SYN2: variants seen among roughly 807,000 people sequenced by gnomAD.
SYN2 encodes synapsin-2.
A neutral mutation model predicts 50.9 loss-of-function variants in SYN2; 19 were observed. The ratio of observed to expected loss-of-function variants is 0.37; its 90% CI spans 0.26 to 0.55. The LOEUF is 0.55. Ranked by LOEUF, SYN2 falls within the 20% of genes least tolerant of loss-of-function variation. SYN2 has a pLI of 0.81. For missense variants in SYN2, 587 were observed against 576.4 expected (o/e 1.02, Z -0.19); for synonymous variants, 255 against 224.9 (o/e 1.13, Z -1.20).
chr3:12,175,477 TC>T lies in SYN2; in HGVS notation c.1308+5572del, dbSNP rs1698043785. On this transcript the variant is annotated intron_variant, in intron 10 of 12. Transcript: ENST00000621198. ...TCCTCACAGGCACCTCTTGCTGGCCTCTTTCTTCTGTGGCTGTGGAAGCTCA... is the reference window on the plus strand; with the variant it reads ...TCCTCACAGGCACCTCTTGCTGGCCTTTTCTTCTGTGGCTGTGGAAGCTCA... Among the ~76,000 whole-genome samples the T allele has an allele frequency of 7.9e-5, 12 of 152,340 alleles. No homozygotes were observed. The South Asian group carries it at 2.5e-3, about 32-fold the overall frequency.
chr3:12,098,760 CAG>C (rs1429634308), intron 1 of SYN2, among the ~76,000 whole-genome samples: 7 of 150,588 alleles, frequency 4.6e-5, no homozygotes, highest in East Asian at 3.9e-4. Context: ...AACAGAATGA[CAG>C]AATGTATTTT....
rs149590650 is a variant in SYN2 at position 12,013,977 on chromosome 3, A to G, written c.377+9049A>G. Among the ~76,000 whole-genome samples the G allele has an allele frequency of 7.7e-4, 116 of 151,378 alleles. 1 individual carries two copies. The highest frequency in any genetic ancestry group is 6.8e-3 in the Middle Eastern group (2 of 294). On this transcript the variant is annotated intron_variant, in intron 1 of 12. Coordinates refer to ENST00000621198, the MANE Select transcript of SYN2 (RefSeq NM_133625.6). Reference sequence around the variant, plus strand: ...CCCTTCCTCCCCTTTCCTTTTCTTGATTAAATTCATATTCATCTTTTGAGA... The same window carrying G: ...CCCTTCCTCCCCTTTCCTTTTCTTGGTTAAATTCATATTCATCTTTTGAGA...
At chr3:12,126,185 T>A (rs1384103721) in intron 1 of SYN2, among the ~76,000 whole-genome samples, 1 of 152,198 alleles carries the variant, frequency 6.6e-6, no homozygotes, top group Non-Finnish European at 1.5e-5. Flanking sequence ...ACTGTCAAGG[T>A]TTCTGCTTCA....
At chr3:12,172,892 A>T (rs535880807) in intron 10 of SYN2, among the ~76,000 whole-genome samples, 2 of 152,242 alleles carry the variant, frequency 1.3e-5, no homozygotes, top group Non-Finnish European at 2.9e-5. Flanking sequence ...TTAAGTTAAT[A>T]TAGTAAATGT....
intron 1 of SYN2, among the ~76,000 whole-genome samples, chr3:12,069,322 C>T (rs1695288348): frequency 6.6e-6 from 1 of 151,692 alleles, no homozygotes; most frequent in Non-Finnish European, 1.5e-5. Flanking sequence ...AATCTCAGCT[C>T]ACTGCAACCT....
chr3:12,177,915 C>T (rs1698121268), intron 10 of SYN2, among the ~76,000 whole-genome samples: 1 of 152,162 alleles, frequency 6.6e-6, no homozygotes, highest in Non-Finnish European at 1.5e-5. Flanking sequence ...ATGAGCTCTG[C>T]AAGCAGAGAA....
chr3:12,106,467 A>G (rs879340050), intron 1 of SYN2, among the ~76,000 whole-genome samples: 1 of 152,128 alleles, frequency 6.6e-6, no homozygotes, highest in Non-Finnish European at 1.5e-5. Flanking sequence ...TGCCTATCAC[A>G]TTTGTTTATA....
At chr3:12,155,786 C>T (rs1417384526) in intron 5 of SYN2, among the ~76,000 whole-genome samples, 1 of 152,222 alleles carries the variant, frequency 6.6e-6, no homozygotes, top group African/African-American at 2.4e-5. Context: ...GCTGTACCTC[C>T]ATGCCTAGCA....
intron 5 of SYN2, chr3:12,158,970 C>T (rs1269191240): frequency 1.1e-5 from 14 of 1,329,982 alleles, no homozygotes; most frequent in African/African-American, 3.0e-5. Context: ...AATCCCGCCC[C>T]GACGGGCTCC....
At chr3:12,005,755 A>G (rs1313034123) in intron 1 of SYN2, among the ~76,000 whole-genome samples, 1 of 137,258 alleles carries the variant, frequency 7.3e-6, no homozygotes, top group Non-Finnish European at 1.5e-5. Context: ...GGGAAACTTC[A>G]ATAATTTTTT....
At chr3:12,023,791 G>C (rs1694197718) in intron 1 of SYN2, among the ~76,000 whole-genome samples, 1 of 152,152 alleles carries the variant, frequency 6.6e-6, no homozygotes, top group Non-Finnish European at 1.5e-5. Context: ...AACTTGTGCA[G>C]TCCTGGAGAC....
chr3:12,117,641 T>C (rs538373420), intron 1 of SYN2, among the ~76,000 whole-genome samples: 1 of 152,242 alleles, frequency 6.6e-6, no homozygotes, highest in East Asian at 1.9e-4. Flanking sequence ...TTCTGGATGG[T>C]ATGAGTGGGA....
chr3:12,128,315 C>G (rs1414525385), intron 1 of SYN2, among the ~76,000 whole-genome samples: 1 of 152,148 alleles, frequency 6.6e-6, no homozygotes, highest in Non-Finnish European at 1.5e-5. Context: ...TCAGTTTCTA[C>G]ATCCTGTTAT....
At chr3:12,080,255 A>T (rs1405032593) in intron 1 of SYN2, among the ~76,000 whole-genome samples, 2 of 149,276 alleles carry the variant, frequency 1.3e-5, no homozygotes, top group Non-Finnish European at 1.5e-5. Flanking sequence ...CAGCTCCCGG[A>T]TTCATTGATT....
At chr3:12,094,091 G>A (rs956282074) in intron 1 of SYN2, among the ~76,000 whole-genome samples, 1 of 152,080 alleles carries the variant, frequency 6.6e-6, no homozygotes, top group Non-Finnish European at 1.5e-5. Context: ...CTGACCTCAG[G>A]TGATCCGCCC....
At chr3:12,139,657 A>G (rs936689858) in intron 1 of SYN2, among the ~76,000 whole-genome samples, 1 of 152,226 alleles carries the variant, frequency 6.6e-6, no homozygotes, top group African/African-American at 2.4e-5. Context: ...CATGATGCCC[A>G]ATAAATATTG....
chr3:12,082,655 T>C (rs1461726206), intron 1 of SYN2, among the ~76,000 whole-genome samples: 1 of 152,230 alleles, frequency 6.6e-6, no homozygotes, highest in Non-Finnish European at 1.5e-5. Flanking sequence ...TTTTAGAGGA[T>C]GTATATCCAT....
intron 1 of SYN2, among the ~76,000 whole-genome samples, chr3:12,064,633 A>G (rs1285880294): frequency 6.6e-6 from 1 of 152,088 alleles, no homozygotes; most frequent in African/African-American, 2.4e-5. Flanking sequence ...AAGATGCTCA[A>G]CCTCATTAGT....
At chr3:12,110,681 C>T (rs867868014) in intron 1 of SYN2, among the ~76,000 whole-genome samples, 2 of 152,176 alleles carry the variant, frequency 1.3e-5, no homozygotes, top group African/African-American at 4.8e-5. Flanking sequence ...GACTCTGGCC[C>T]GGCCCATGAA....
Sources: gnomAD v4.1 joint callset for allele counts (sites outside exome capture counted in the v4.1 genomes callset) on GRCh38, gnomAD v4.1.1 for gene constraint, MANE v1.5 for transcripts, NCBI Gene and HGNC (gene_info 2026-07-23, HGNC 2026-07-21) for gene names.